CEP68: variants seen among roughly 807,000 people sequenced by gnomAD.
CEP68 encodes the protein centrosomal protein of 68 kDa.
CEP68 carries 26 observed loss-of-function variants against 55.3 expected under a neutral mutation model. That is an observed-to-expected ratio of 0.47 (90% CI 0.34 to 0.65). The LOEUF (loss-of-function observed/expected upper bound fraction) is 0.65. Ranked by LOEUF, CEP68 falls within the 30% of genes least tolerant of loss-of-function variation. The probability of loss-of-function intolerance (pLI) is 0.01; values close to 1 mark genes in which losing one functional copy is unlikely to be tolerated. For synonymous variants in CEP68, 402 were observed against 383.2 expected (o/e 1.05, Z -0.57); for missense variants, 957 against 946.7 (o/e 1.01, Z -0.14).
At chr2:65,069,015 A>G (rs1676330704) in intron 1 of CEP68, among the ~76,000 whole-genome samples, 1 of 151,964 alleles carries the variant, frequency 6.6e-6, no homozygotes, top group Admixed American at 6.6e-5. Context: ...ACGACAACAG[A>G]ACCACTATGG....
chr2:65,081,849 C>T (rs1307959340), intron 5 of CEP68, among the ~76,000 whole-genome samples: 1 of 152,226 alleles, frequency 6.6e-6, no homozygotes, highest in Non-Finnish European at 1.5e-5. Context: ...CATGCGCCAC[C>T]ACACCCGGCT....
chr2:65,057,110 T>C (rs1675661297), intron 1 of CEP68, among the ~76,000 whole-genome samples: 1 of 152,258 alleles, frequency 6.6e-6, no homozygotes, highest in African/African-American at 2.4e-5. Context: ...ACTAGAACAG[T>C]TCTCAGCAGC....
intron 4 of CEP68, among the ~76,000 whole-genome samples, chr2:65,076,022 C>G (rs892390033): frequency 6.6e-6 from 1 of 151,488 alleles, no homozygotes; most frequent in Non-Finnish European, 1.5e-5. Context: ...ACTGGGAATG[C>G]TGTTTCCTGC....
In CEP68 at chr2:65,069,526, G is replaced by A. The variant is rs1192223490; in HGVS notation, c.82G>A (p.Glu28Lys). 6.3e-7 allele frequency: 1 copy of A among 1,593,286 alleles called. No individual in the cohort carries two copies. The highest frequency in any genetic ancestry group is 2.2e-5 in the East Asian group (1 of 44,604). ...GTCCTATGGGAGAGGGAGCTGCAGGGAGCGGGAGCTGGACATCCCAGGGCC... is the reference window on the plus strand; with the variant it reads ...GTCCTATGGGAGAGGGAGCTGCAGGAAGCGGGAGCTGGACATCCCAGGGCC... ...AQSYGRGSCR[E>K]RELDIPGPMS... is the part of the protein sequence containing the mutation. Residue 28 changes from glutamate (E) to lysine (K), a missense_variant, in exon 2 of 7, where the codon GAG becomes AAG. Coordinates refer to ENST00000377990, the MANE Select transcript of CEP68 (RefSeq NM_015147.3).
intron 1 of CEP68, among the ~76,000 whole-genome samples, chr2:65,067,547 G>A (rs1290266752): frequency 2.0e-5 from 3 of 152,014 alleles, no homozygotes; most frequent in African/African-American, 7.3e-5. Context: ...TCTCCCATTT[G>A]GCTCCTTTGT....
intron 1 of CEP68, among the ~76,000 whole-genome samples, chr2:65,063,708 C>A (rs2241161): frequency 0.54 from 81,885 of 151,996 alleles, 24,532 homozygotes; most frequent in African/African-American, 0.82. Flanking sequence ...TGGCCACCGG[C>A]CAGATGCAGA....
rs149638845 is a variant in CEP68, at chr2:65,059,035, G to A, written c.-47+2507G>A. Among the ~76,000 whole-genome samples, 6 of 152,184 alleles carry A rather than the reference G, an allele frequency of 3.9e-5. No homozygotes were observed. In the East Asian group the frequency reaches 1.2e-3, roughly 29 times the overall value. Reference sequence around the variant, plus strand: ...AAAATCAGAGGAGCTAAATAGATGGGGGCCTCATGTGGCTGACAAAAAATC... The same window carrying A: ...AAAATCAGAGGAGCTAAATAGATGGAGGCCTCATGTGGCTGACAAAAAATC... On this transcript the variant is annotated intron_variant, in intron 1 of 6. Coordinates refer to ENST00000377990, the MANE Select transcript of CEP68 (RefSeq NM_015147.3).
At chr2:65,080,241 T>C in intron 5 of CEP68, 1 of 985,328 alleles carries the variant, frequency 1.0e-6, no homozygotes, top group Non-Finnish European at 1.2e-6. Flanking sequence ...CTCAAGAGGT[T>C]TTTTACTGGC....
At position 65,072,901 on chromosome 2, in the gene CEP68, T is replaced by G. The variant is rs901797365; in HGVS notation, c.1805T>G (p.Phe602Cys). 2.8e-5 allele frequency: 45 copies of G among 1,614,022 alleles called. No homozygotes were observed. In the Admixed American group the frequency reaches 6.5e-4, roughly 23 times the overall value. ...SLPARLDRWP[F>C]SDPDVEGQLP... is the part of the protein sequence containing the mutation. ...CCAGCTAGGTTGGACCGGTGGCCAT[T>G]CTCAGACCCAGATGTTGAAGGGCAG... is the stretch of plus-strand genomic sequence containing the variant. Residue 602 changes from phenylalanine (F) to cysteine (C), a missense_variant, in exon 3 of 7, where the codon TTC becomes TGC. Phe to Cys is a radical substitution (Grantham distance 205, BLOSUM62 -2). Transcript: ENST00000377990.
intron 5 of CEP68, among the ~76,000 whole-genome samples, chr2:65,079,861 C>T (rs965122605): frequency 3.9e-5 from 6 of 152,218 alleles, no homozygotes; most frequent in African/African-American, 9.7e-5. Context: ...AGTCCGGACA[C>T]GGTGGTTCAC....
chr2:65,063,115 T>C (rs1173451329), intron 1 of CEP68, among the ~76,000 whole-genome samples: 2 of 152,204 alleles, frequency 1.3e-5, no homozygotes, highest in African/African-American at 4.8e-5. Context: ...TGTGGGCGTA[T>C]TTTTACTGTA....
intron 1 of CEP68, among the ~76,000 whole-genome samples, chr2:65,062,737 T>A (rs2103749682): frequency 6.6e-6 from 1 of 151,710 alleles, no homozygotes; most frequent in African/African-American, 2.4e-5. Context: ...TTTGGGAGGC[T>A]GAGGCACAAG....
At position 65,072,375 on chromosome 2, in the gene CEP68, A is replaced by C; in HGVS notation, c.1279A>C (p.Ile427Leu). The C allele has an allele frequency of 6.2e-7, 1 of 1,613,910 alleles. No homozygotes were observed. Among genetic ancestry groups the C allele is most frequent in the South Asian group, 1.1e-5 (1 of 91,088 alleles). ...GAGGGGTGCGAAGGACCGGCTGACT[A>C]TAGGCAAGCACCTTGATATGGGCTC... ...ALRGAKDRLT[I>L]GKHLDMGSPQ... Residue 427 changes from isoleucine to leucine, a missense_variant, in exon 3 of 7, where the codon ATA (isoleucine) becomes CTA (leucine). Coordinates refer to ENST00000377990, the MANE Select transcript of CEP68 (RefSeq NM_015147.3).
At position 65,071,538 on chromosome 2, in the gene CEP68, G is replaced by T. The variant is rs766954983; in HGVS notation, c.442G>T (p.Asp148Tyr). 3 of 1,614,080 alleles carry T rather than the reference G, an allele frequency of 1.9e-6. No individual in the cohort carries two copies. The highest frequency in any genetic ancestry group is 2.5e-6 in the Non-Finnish European group (3 of 1,180,032). Residue 148 changes from aspartate (D) to tyrosine (Y), a missense_variant, in exon 3 of 7, where the codon GAT becomes TAT. Coordinates refer to ENST00000377990, the MANE Select transcript of CEP68 (RefSeq NM_015147.3). The stretch of plus-strand genomic sequence containing the variant: ...AACAACAACTATTTGCTCAGGACAT[G>T]ATGCTGATACCGAAGATGATCCATC... The part of the protein sequence containing the change: ...PRTTTICSGH[D>Y]ADTEDDPSLA...
rs148849444 is a variant in CEP68, at chr2:65,085,079, T to C, written c.*1445T>C. 3.3e-4 allele frequency: 51 copies of C among 152,314 alleles called. No individual in the cohort carries two copies. The highest frequency in any genetic ancestry group is 1.1e-3 in the African/African-American group (45 of 41,574). 9.4% of individuals were successfully genotyped at this position (152,314 alleles called of 1,614,324 possible). A position where few individuals can be genotyped will look rare whatever the true frequency, so the allele number is the denominator to read the frequency against. The stretch of plus-strand genomic sequence containing the variant: ...TTGATATATTTTACCTTCTCTTAGA[T>C]GTACATTTATAAGTAGGAACATGTC... On this transcript the variant is annotated 3_prime_UTR_variant, in exon 7 of 7. Transcript: ENST00000377990.
At chr2:65,073,426 G>C (rs1202632053) in intron 3 of CEP68, 3 of 278,552 alleles carry the variant, frequency 1.1e-5, no homozygotes, top group African/African-American at 6.7e-5. Context: ...AGTGGTTTAA[G>C]TGCAAAGTTA....
chr2:65,073,011 G>C, intron 3 of CEP68, 31 bp downstream of exon 3: 1 of 1,609,780 alleles, frequency 6.2e-7, no homozygotes, highest in Non-Finnish European at 8.5e-7. Flanking sequence ...GAAGCTTTGT[G>C]TACAGGTGTC....
intron 4 of CEP68, among the ~76,000 whole-genome samples, chr2:65,076,848 T>G (rs1676786132): frequency 6.6e-6 from 1 of 151,944 alleles, no homozygotes; most frequent in Non-Finnish European, 1.5e-5. Context: ...CTGAGGCAGG[T>G]GGATCACTTG....
chr2:65,078,652 C>T (rs928411798), intron 5 of CEP68, among the ~76,000 whole-genome samples: 1 of 152,254 alleles, frequency 6.6e-6, no homozygotes, highest in African/African-American at 2.4e-5. Flanking sequence ...AGTGATTCTT[C>T]TGCCTCAGCC....
Sources: allele counts gnomAD v4.1 joint callset (sites outside exome capture counted in the v4.1 genomes callset), GRCh38; gene constraint gnomAD v4.1.1; transcripts MANE v1.5; gene names NCBI Gene and HGNC (gene_info 2026-07-23, HGNC 2026-07-21).